Variants in IP6K1 observed in about 807,000 individuals in gnomAD.
The protein encoded by IP6K1 is inositol hexakisphosphate kinase 1.
Under a neutral mutation model 38.3 loss-of-function variants are expected in IP6K1, and 13 were observed. The observed-to-expected ratio is 0.34, with a 90% CI of 0.22 to 0.54. IP6K1 has a LOEUF of 0.54. Ranked by LOEUF, IP6K1 falls within the 20% of genes least tolerant of loss-of-function variation. The pLI is 0.92. For missense variants in IP6K1, 397 were observed against 599.8 expected, an observed-to-expected ratio of 0.66 and a Z score of 3.53; for synonymous variants, 212 against 229.9, an observed-to-expected ratio of 0.92 and a Z score of 0.70.
At chr3:49,760,824 G>GA (rs2080861845) in intron 1 of IP6K1, among the ~76,000 whole-genome samples, 2 of 151,976 alleles carry the variant, frequency 1.3e-5, no homozygotes, top group Admixed American at 6.6e-5. Context: ...GAAACCATGT[G>GA]AAAAAATCAA....
intron 1 of IP6K1, among the ~76,000 whole-genome samples, chr3:49,766,391 C>T (rs1458923480): frequency 6.6e-6 from 1 of 150,978 alleles, no homozygotes. Flanking sequence ...ACGCCAGGCG[C>T]TGTGGCTCAC....
chr3:49,757,392 T>C (rs1437573784), intron 1 of IP6K1, among the ~76,000 whole-genome samples: 1 of 152,214 alleles, frequency 6.6e-6, no homozygotes, highest in African/African-American at 2.4e-5. Context: ...ACCTCCCTAC[T>C]GGGGAATTAC....
chr3:49,733,983 A>G (rs997154921), intron 3 of IP6K1, among the ~76,000 whole-genome samples: 5 of 152,146 alleles, frequency 3.3e-5, no homozygotes, highest in African/African-American at 7.2e-5. Context: ...TTTAAAAATT[A>G]GCTGGGCATG....
intron 1 of IP6K1, among the ~76,000 whole-genome samples, chr3:49,763,683 A>G (rs1195975815): frequency 6.6e-6 from 1 of 152,092 alleles, no homozygotes; most frequent in Non-Finnish European, 1.5e-5. Flanking sequence ...TAAATACAGG[A>G]AAAAAACCTG....
intron 1 of IP6K1, among the ~76,000 whole-genome samples, chr3:49,784,009 A>C (rs999876168): frequency 2.6e-5 from 4 of 151,614 alleles, no homozygotes; most frequent in Admixed American, 1.3e-4. Context: ...TATTTTATTT[A>C]TTATTTATTT....
In IP6K1 at chr3:49,727,453, G is replaced by C. The variant is rs1459311670; in HGVS notation, c.995C>G (p.Ser332Cys). ...ATCATAGATGACAAGCAGGGAACTG[G>C]AGTAGAAGCGGTAAGAGGCCTGCCG... ...LERQASYRFY[S>C]SSLLVIYDGK... Residue 332 changes from serine to cysteine, a missense_variant, in exon 6 of 6, where the codon TCC (serine) becomes TGC (cysteine). Transcript: ENST00000321599. This position sits in a 1 kb window ranked among gnomAD's most constrained non-coding sequence, Gnocchi z 5.9. The C allele has an allele frequency of 6.2e-7, 1 of 1,614,006 alleles. No individual in the cohort carries two copies. Among genetic ancestry groups the C allele is most frequent in the Non-Finnish European group, 8.5e-7 (1 of 1,180,044 alleles).
intron 3 of IP6K1, 108 bp from the exon 4 acceptor site, chr3:49,733,080 G>A (rs2080578238): frequency 1.4e-6 from 1 of 732,798 alleles, no homozygotes; most frequent in African/African-American, 1.8e-5. Context: ...CACAGACCCT[G>A]CTAATGGGTT....
At chr3:49,762,928 C>T (rs141235065) in intron 1 of IP6K1, among the ~76,000 whole-genome samples, 2,264 of 151,854 alleles carry the variant, frequency 0.015, 44 homozygotes, top group Non-Finnish European at 0.016. Context: ...CGCACAACCA[C>T]GCCCAGCTAA....
At chr3:49,772,793 C>T (rs1478932344) in intron 1 of IP6K1, among the ~76,000 whole-genome samples, 1 of 151,462 alleles carries the variant, frequency 6.6e-6, no homozygotes, top group Non-Finnish European at 1.5e-5. Context: ...GACAGGGTCT[C>T]ACTACGTTGC....
intron 4 of IP6K1, among the ~76,000 whole-genome samples, chr3:49,728,956 AT>A (rs11433643): frequency 0.02 from 2,812 of 143,252 alleles, 91 homozygotes; most frequent in African/African-American, 0.065. Flanking sequence ...GGCATGCCTA[AT>A]TTTTTTTTTT....
rs1049256 is a variant in IP6K1, at chr3:49,725,905, T to C, written c.*1217A>G. 0.53 allele frequency: 81,082 copies of C among 152,102 alleles called. 22,428 individuals carry two copies. The highest frequency in any genetic ancestry group is 0.82 in the East Asian group (4,248 of 5,160). The allele number at this position is 152,102 out of a possible 1,614,324, so 9.4% of individuals were successfully genotyped here. ...AGGCAACACCTGTGGAGGAAGGGCATGGGGCAAAAGCTCACCTCAGAAGTG... is the reference window on the plus strand; with the variant it reads ...AGGCAACACCTGTGGAGGAAGGGCACGGGGCAAAAGCTCACCTCAGAAGTG... On this transcript the variant is annotated 3_prime_UTR_variant, in exon 6 of 6. Coordinates refer to ENST00000321599, the MANE Select transcript of IP6K1 (RefSeq NM_153273.4).
chr3:49,768,297 C>A (rs1355670628), intron 1 of IP6K1, among the ~76,000 whole-genome samples: 1 of 152,158 alleles, frequency 6.6e-6, no homozygotes, highest in Non-Finnish European at 1.5e-5. Flanking sequence ...CCATGTCCAT[C>A]AACAGATAAA....
chr3:49,782,411 C>T (rs544602411), intron 1 of IP6K1, among the ~76,000 whole-genome samples: 1 of 152,106 alleles, frequency 6.6e-6, no homozygotes, highest in African/African-American at 2.4e-5. Context: ...CCTCGTGACC[C>T]GCCCACCTTG....
intron 1 of IP6K1, among the ~76,000 whole-genome samples, chr3:49,772,380 A>G (rs2080968347): frequency 6.7e-6 from 1 of 149,636 alleles, no homozygotes; most frequent in Admixed American, 6.7e-5. Context: ...GGCTATATAT[A>G]CATATATTGT....
chr3:49,764,466 G>A (rs2080892475), intron 1 of IP6K1, among the ~76,000 whole-genome samples: 1 of 152,186 alleles, frequency 6.6e-6, no homozygotes, highest in South Asian at 2.1e-4. Flanking sequence ...CCAGTCAACA[G>A]TAGGCTACTA....
At position 49,767,585 on chromosome 3, in the gene IP6K1, T is replaced by A. The variant is rs897699771; in HGVS notation, c.-129+18769A>T. On this transcript the variant is annotated intron_variant, in intron 1 of 5. Coordinates refer to ENST00000321599, the MANE Select transcript of IP6K1 (RefSeq NM_153273.4). ...CAGAGTGAGACTCCATCTCAAAAAA[T>A]AATAATAATAATAACAACAACTTAA... Among the ~76,000 whole-genome samples the A allele has an allele frequency of 1.3e-3, 110 of 82,520 alleles. No individual in the cohort carries two copies. In the Middle Eastern group the frequency reaches 0.017, roughly 13 times the overall value. The allele number at this position is 82,520 out of a possible 152,430, so 54.1% of individuals were successfully genotyped here.
intron 1 of IP6K1, among the ~76,000 whole-genome samples, chr3:49,776,518 G>GC (rs2081010063): frequency 7.5e-6 from 1 of 133,510 alleles, no homozygotes; most frequent in East Asian, 2.1e-4. Flanking sequence ...CTCAGTCTCA[G>GC]TAAAAAAAAA....
At chr3:49,785,664 A>C (rs889062479) in intron 1 of IP6K1, 19 of 152,154 alleles carry the variant, frequency 1.2e-4, no homozygotes, top group African/African-American at 4.6e-4. Flanking sequence ...TCACCATAAT[A>C]CTCACTTTCT....
intron 2 of IP6K1, among the ~76,000 whole-genome samples, chr3:49,741,000 C>T (rs1319054203): frequency 6.6e-6 from 1 of 152,088 alleles, no homozygotes; most frequent in African/African-American, 2.4e-5. Context: ...AGGTGCCTGC[C>T]ACCACGCTCG....
Sources: gnomAD v4.1 joint callset for allele counts (sites outside exome capture counted in the v4.1 genomes callset) on GRCh38, gnomAD v4.1.1 for gene constraint, Gnocchi (gnomAD v3.1) non-coding constraint, MANE v1.5 for transcripts, NCBI Gene and HGNC (gene_info 2026-07-23, HGNC 2026-07-21) for gene names.